Variants in EXOC2 observed in about 807,000 individuals in gnomAD.
EXOC2 encodes SEC5-like 1.
EXOC2 carries 70 observed loss-of-function variants against 131.8 expected under a neutral mutation model. The ratio of observed to expected loss-of-function variants is 0.53; its 90% CI spans 0.44 to 0.65. The LOEUF is 0.65. EXOC2 is among the 30% of genes least tolerant of loss of function. The pLI, the probability that EXOC2 is intolerant of heterozygous loss-of-function variation, is 0.00. For synonymous variants in EXOC2, 411 were observed against 398.4 expected (o/e 1.03, Z -0.38); for missense variants, 923 against 1,108.6 (o/e 0.83, Z 2.38).
chr6:572,427 T>G (rs1758336881), intron 13 of EXOC2, 93 bp downstream of exon 13: 1 of 1,467,686 alleles, frequency 6.8e-7, no homozygotes, highest in African/African-American at 1.4e-5. Flanking sequence ...ATGTTGGGCC[T>G]CTACATTTTA....
At chr6:593,978 T>C (rs1561901395) in intron 10 of EXOC2, among the ~76,000 whole-genome samples, 2 of 152,208 alleles carry the variant, frequency 1.3e-5, no homozygotes, top group Non-Finnish European at 2.9e-5. Flanking sequence ...GAGCCGGATA[T>C]CCAGGCATCT....
At chr6:532,353 A>T in intron 23 of EXOC2, 116 bp downstream of exon 23, 2 of 1,118,486 alleles carry the variant, frequency 1.8e-6, no homozygotes, top group Non-Finnish European at 2.4e-6. Flanking sequence ...AAATCAAATT[A>T]ATCTCTCACT....
At chr6:671,658 G>A (rs370884798) in intron 1 of EXOC2, among the ~76,000 whole-genome samples, 37 of 152,040 alleles carry the variant, frequency 2.4e-4, no homozygotes, top group East Asian at 1.2e-3. Flanking sequence ...CCTCAATTTC[G>A]TCTGGAAAAA....
intron 1 of EXOC2, chr6:669,068 C>T (rs1763745479): frequency 6.6e-6 from 1 of 152,312 alleles, no homozygotes; most frequent in African/African-American, 2.4e-5. Context: ...TCCTCGAGGA[C>T]AAGTATTACC....
chr6:582,331 G>C (rs374993523), intron 11 of EXOC2, among the ~76,000 whole-genome samples: 2 of 152,076 alleles, frequency 1.3e-5, no homozygotes, highest in Non-Finnish European at 2.9e-5. Flanking sequence ...GGTGAGTAAG[G>C]TTACTGTATT....
chr6:584,364 T>C (rs1460421112), intron 11 of EXOC2, among the ~76,000 whole-genome samples: 2 of 152,358 alleles, frequency 1.3e-5, no homozygotes, highest in South Asian at 2.1e-4. Context: ...TAGCAAGATA[T>C]AACAGTTTAT....
In EXOC2 at chr6:489,045, CACAA is replaced by C. The variant is rs368734077; in HGVS notation, c.2622-11_2622-8del. 4 of 1,613,714 alleles carry C rather than the reference CACAA, an allele frequency of 2.5e-6. No homozygotes were observed. The South Asian group carries it at 3.3e-5, about 13-fold the overall frequency. The stretch of plus-strand genomic sequence containing the variant: ...AGCCTGCTTAAAACTTGACCTGAAA[CACAA>C]ACAGCCACACTGAAGTTGAAGCCTT... On this transcript the variant is annotated splice_region_variant and splice_polypyrimidine_tract_variant and intron_variant, in intron 26 of 27. Transcript: ENST00000230449.
intron 1 of EXOC2, among the ~76,000 whole-genome samples, chr6:659,405 C>G (rs1015565348): frequency 1.4e-4 from 22 of 152,142 alleles, no homozygotes; most frequent in Non-Finnish European, 2.5e-4. Flanking sequence ...CAGGTCCAGA[C>G]AGAGCAGCAT....
In EXOC2 at chr6:637,821, T is replaced by C. The variant is rs369454054; in HGVS notation, c.-3A>G. 1.9e-6 allele frequency: 3 copies of C among 1,613,150 alleles called. No individual in the cohort carries two copies. Among genetic ancestry groups the C allele is most frequent in the Non-Finnish European group, 2.5e-6 (3 of 1,179,582 alleles). ...GGGGGTTGTCGTGATCGAGACATTG[T>C]GCTTTGTGGAGCAAACTGGTGATCC... On this transcript the variant is annotated 5_prime_UTR_variant, in exon 2 of 28. Coordinates refer to ENST00000230449, the MANE Select transcript of EXOC2 (RefSeq NM_018303.6).
chr6:628,922 C>G (rs955603131), intron 4 of EXOC2, among the ~76,000 whole-genome samples: 1 of 152,202 alleles, frequency 6.6e-6, no homozygotes, highest in Non-Finnish European at 1.5e-5. Flanking sequence ...TTACCTAGAA[C>G]AGTCAAAGCT....
intron 11 of EXOC2, among the ~76,000 whole-genome samples, chr6:581,150 A>T (rs898503465): frequency 6.6e-6 from 1 of 151,648 alleles, no homozygotes; most frequent in African/African-American, 2.4e-5. Flanking sequence ...CAAAAAAATT[A>T]GCCAGCGCGG....
Position 667,343 on chromosome 6 carries a change from G to T in EXOC2, c.-44+25676C>A, listed in dbSNP as rs545031416. ...TCGCTTCTGAAGGGTAATTTCATTT[G>T]TATACAGGATTTGACAGTGGTAAGT... On this transcript the variant is annotated intron_variant, in intron 1 of 27. Coordinates refer to ENST00000230449, the MANE Select transcript of EXOC2 (RefSeq NM_018303.6). 2.1e-5 allele frequency among the ~76,000 whole-genome samples: 2 copies of T among 96,874 alleles called. 1 individual carries two copies. The highest frequency in any genetic ancestry group is 4.9e-5 in the Non-Finnish European group (2 of 40,916). The allele number at this position is 96,874 out of a possible 152,430, so 63.6% of individuals were successfully genotyped here.
intron 26 of EXOC2, among the ~76,000 whole-genome samples, chr6:490,555 A>C (rs577927033): frequency 2.6e-5 from 4 of 152,348 alleles, no homozygotes; most frequent in Admixed American, 1.3e-4. Flanking sequence ...GAGTAAGCAT[A>C]TTACAGTGTC....
chr6:491,051 C>T, intron 26 of EXOC2, 74 bp downstream of exon 26: 1 of 1,461,384 alleles, frequency 6.8e-7, no homozygotes. Flanking sequence ...GTCATCTTTA[C>T]AGAGGACAGA....
intron 1 of EXOC2, among the ~76,000 whole-genome samples, chr6:662,069 G>T (rs1187167403): frequency 6.6e-6 from 1 of 152,212 alleles, no homozygotes; most frequent in East Asian, 1.9e-4. Flanking sequence ...GGGACATTAT[G>T]TAATGGTAAA....
At position 486,527 on chromosome 6, in the gene EXOC2, A is replaced by T. The variant is rs2127460292; in HGVS notation, c.*144T>A. 1.5e-6 allele frequency: 1 copy of T among 675,578 alleles called. No individual in the cohort carries two copies. Among genetic ancestry groups the T allele is most frequent in the East Asian group, 2.6e-5 (1 of 37,824 alleles). The allele number at this position is 675,578 out of a possible 1,614,324, so 41.8% of individuals were successfully genotyped here. On this transcript the variant is annotated 3_prime_UTR_variant, in exon 28 of 28. Coordinates refer to ENST00000230449, the MANE Select transcript of EXOC2 (RefSeq NM_018303.6). ...TGAGGTCATTTTGGTTGAAATGTATACCAACAATTTTCGAAGTCAGAGGAA... is the reference window on the plus strand; with the variant it reads ...TGAGGTCATTTTGGTTGAAATGTATTCCAACAATTTTCGAAGTCAGAGGAA...
chr6:500,318 C>T (rs1353747880), intron 23 of EXOC2, among the ~76,000 whole-genome samples: 2 of 152,108 alleles, frequency 1.3e-5, no homozygotes, highest in Non-Finnish European at 2.9e-5. Flanking sequence ...AAAGCCTGGA[C>T]AAAATAAAAC....
chr6:512,853 T>C (rs1344549513), intron 23 of EXOC2, among the ~76,000 whole-genome samples: 4 of 152,114 alleles, frequency 2.6e-5, no homozygotes, highest in East Asian at 3.8e-4. Context: ...CCCAACACGG[T>C]TGGTGTGAAG....
chr6:675,528 AGGTTCCTCTGG>A (rs2127785136), intron 1 of EXOC2, among the ~76,000 whole-genome samples: 1 of 54,814 alleles, frequency 1.8e-5, no homozygotes, highest in Non-Finnish European at 4.7e-5. Flanking sequence ...CAGAAAGGAC[AGGTTCCTCTGG>A]AGACTCTGAG....
Sources: gnomAD v4.1 joint callset for allele counts (sites outside exome capture counted in the v4.1 genomes callset) on GRCh38, gnomAD v4.1.1 for gene constraint, MANE v1.5 for transcripts, NCBI Gene and HGNC (gene_info 2026-07-23, HGNC 2026-07-21) for gene names.